Variants in STK39 observed in about 807,000 individuals in gnomAD.
STK39 encodes the protein STE20/SPS1-related proline-alanine-rich protein kinase.
In STK39, 20 loss-of-function variants were observed where a neutral mutation model predicts 77.8. The ratio of observed to expected loss-of-function variants is 0.26; its 90% CI spans 0.18 to 0.37. The LOEUF (loss-of-function observed/expected upper bound fraction) is 0.37, where lower values mean the gene tolerates loss of function less well. Ranked by LOEUF, STK39 falls within the 10% of genes least tolerant of loss-of-function variation. The pLI is 1.00. For synonymous variants in STK39, 246 were observed against 234.1 expected, an observed-to-expected ratio of 1.05 and a Z score of -0.47; for missense variants, 479 against 656.5, an observed-to-expected ratio of 0.73 and a Z score of 2.95.
At chr2:168,214,097 T>C (rs911031789) in intron 1 of STK39, among the ~76,000 whole-genome samples, 3 of 152,170 alleles carry the variant, frequency 2.0e-5, no homozygotes, top group African/African-American at 7.2e-5. Context: ...AGAGCCAGCC[T>C]GCCCACCTCC....
At chr2:168,103,881 T>A (rs1328189898) in intron 10 of STK39, among the ~76,000 whole-genome samples, 2 of 152,208 alleles carry the variant, frequency 1.3e-5, no homozygotes, top group Non-Finnish European at 2.9e-5. Context: ...TTAACTTATC[T>A]AAAGAGTTAG....
At chr2:168,227,717 G>A (rs2105253868) in intron 1 of STK39, among the ~76,000 whole-genome samples, 1 of 152,142 alleles carries the variant, frequency 6.6e-6, no homozygotes, top group South Asian at 2.1e-4. Flanking sequence ...CAGTGCAGTG[G>A]CACAATCTCA....
rs551056095 is a variant in STK39 at position 167,992,144 on chromosome 2, T to C, written c.1498+20490A>G. Reference sequence around the variant, plus strand: ...TCAGGGGCCTGGGAGATAACATAACTCAGTTGGAGAAGAGGGGACAGAATT... The same window carrying C: ...TCAGGGGCCTGGGAGATAACATAACCCAGTTGGAGAAGAGGGGACAGAATT... On this transcript the variant is annotated intron_variant, in intron 16 of 17. Transcript: ENST00000355999. Among the ~76,000 whole-genome samples, 16 of 152,238 alleles carry C rather than the reference T, an allele frequency of 1.1e-4. 1 individual carries two copies. The highest frequency in any genetic ancestry group is 3.4e-3 in the Middle Eastern group (1 of 294).
intron 1 of STK39, among the ~76,000 whole-genome samples, chr2:168,236,904 T>C (rs1390464966): frequency 1.3e-5 from 2 of 152,152 alleles, no homozygotes; most frequent in African/African-American, 4.8e-5. Context: ...CTTTGTTCTT[T>C]TGTCTTAGGA....
intron 1 of STK39, among the ~76,000 whole-genome samples, chr2:168,232,445 C>A (rs767570933): frequency 3.9e-5 from 6 of 152,110 alleles, no homozygotes; most frequent in Non-Finnish European, 7.4e-5. Context: ...CTACATATGG[C>A]TAAAAATAAT....
chr2:168,041,818 T>C (rs1478279897), intron 14 of STK39, among the ~76,000 whole-genome samples: 1 of 152,232 alleles, frequency 6.6e-6, no homozygotes, highest in African/African-American at 2.4e-5. Flanking sequence ...TTATGTTGTA[T>C]GCTGTAATTC....
chr2:168,078,059 G>T lies in STK39; in HGVS notation c.1090-2828C>A, dbSNP rs1686125799. 2.6e-5 allele frequency among the ~76,000 whole-genome samples: 4 copies of T among 152,232 alleles called. No individual in the cohort carries two copies. The South Asian group carries it at 8.3e-4, about 32-fold the overall frequency. ...CATTTAGTAAAGCCAAGAGGTGGTA[G>T]AAAGAATTTATTCTCTATTTTCTCT... On this transcript the variant is annotated intron_variant, in intron 10 of 17. Transcript: ENST00000355999.
At chr2:167,965,342 T>C (rs1559036397) in intron 16 of STK39, among the ~76,000 whole-genome samples, 2 of 152,214 alleles carry the variant, frequency 1.3e-5, no homozygotes, top group Non-Finnish European at 2.9e-5. Flanking sequence ...ATACCCAAGT[T>C]TGCTGAACAG....
intron 10 of STK39, among the ~76,000 whole-genome samples, chr2:168,098,035 G>A (rs1477346625): frequency 1.3e-5 from 2 of 152,164 alleles, no homozygotes; most frequent in Non-Finnish European, 2.9e-5. Flanking sequence ...CCCTTTCTTA[G>A]AAATCATATG....
At chr2:168,037,641 C>G (rs1684992118) in intron 14 of STK39, among the ~76,000 whole-genome samples, 1 of 152,018 alleles carries the variant, frequency 6.6e-6, no homozygotes, top group South Asian at 2.1e-4. Context: ...ATACAATCAT[C>G]CTAAGAAAAA....
chr2:168,219,822 T>C (rs752067843), intron 1 of STK39, among the ~76,000 whole-genome samples: 50 of 151,964 alleles, frequency 3.3e-4, no homozygotes, highest in Non-Finnish European at 2.5e-4. Context: ...ACAAGTTACC[T>C]TGATATTAAA....
At chr2:167,970,148 C>T (rs982416213) in intron 16 of STK39, among the ~76,000 whole-genome samples, 1 of 152,202 alleles carries the variant, frequency 6.6e-6, no homozygotes, top group Non-Finnish European at 1.5e-5. Flanking sequence ...CCTATTAACA[C>T]CCCCACCATC....
At chr2:168,038,666 A>G (rs1275033519) in intron 14 of STK39, among the ~76,000 whole-genome samples, 1 of 152,188 alleles carries the variant, frequency 6.6e-6, no homozygotes, top group African/African-American at 2.4e-5. Flanking sequence ...TTTATTATCC[A>G]TATGTATCTG....
At chr2:168,029,962 C>T (rs1465426348) in intron 14 of STK39, among the ~76,000 whole-genome samples, 3 of 152,082 alleles carry the variant, frequency 2.0e-5, no homozygotes, top group South Asian at 2.1e-4. Context: ...AATTTTGGGC[C>T]GGGTGCGGTG....
intron 1 of STK39, among the ~76,000 whole-genome samples, chr2:168,242,558 A>AAG (rs1690788818): frequency 1.6e-5 from 1 of 63,602 alleles, no homozygotes; most frequent in African/African-American, 7.6e-5. Context: ...AAAAAAAAAA[A>AAG]AAATATATAT....
chr2:168,199,898 C>A (rs1689571271), intron 1 of STK39, among the ~76,000 whole-genome samples: 1 of 152,198 alleles, frequency 6.6e-6, no homozygotes, highest in African/African-American at 2.4e-5. Flanking sequence ...CATCCAAATT[C>A]TTTGGACAAC....
intron 2 of STK39, among the ~76,000 whole-genome samples, chr2:168,181,082 A>C (rs1689072282): frequency 6.6e-6 from 1 of 152,172 alleles, no homozygotes; most frequent in East Asian, 1.9e-4. Flanking sequence ...AGGCTTCTTC[A>C]TTTGCAGCCA....
intron 1 of STK39, among the ~76,000 whole-genome samples, chr2:168,191,755 G>A (rs1460374231): frequency 2.6e-5 from 4 of 152,168 alleles, no homozygotes; most frequent in African/African-American, 9.7e-5. Flanking sequence ...GGGGCTATTA[G>A]GAAAATGGAA....
chr2:167,995,717 G>A (rs1386801893), intron 16 of STK39, among the ~76,000 whole-genome samples: 1 of 152,186 alleles, frequency 6.6e-6, no homozygotes, highest in Non-Finnish European at 1.5e-5. Context: ...CTACATCAGA[G>A]AGCAGAAATT....
Sources: gnomAD v4.1 joint callset for allele counts (sites outside exome capture counted in the v4.1 genomes callset) on GRCh38, gnomAD v4.1.1 for gene constraint, MANE v1.5 for transcripts, NCBI Gene and HGNC (gene_info 2026-07-23, HGNC 2026-07-21) for gene names.